SRD5A1: variants seen among roughly 807,000 people sequenced by gnomAD.
SRD5A1 encodes 3-oxo-5-alpha-steroid 4-dehydrogenase 1.
A neutral mutation model predicts 28.2 loss-of-function variants in SRD5A1; 22 were observed. The observed-to-expected ratio is 0.78, with a 90% CI of 0.56 to 1.12. The LOEUF (loss-of-function observed/expected upper bound fraction) is 1.12, where lower values mean the gene tolerates loss of function less well. Ranked by LOEUF, SRD5A1 falls within the 50% of genes most tolerant of loss-of-function variation. SRD5A1 has a pLI of 0.00. For missense variants in SRD5A1, 300 were observed against 346.7 expected, an observed-to-expected ratio of 0.87 and a Z score of 1.07; for synonymous variants, 151 against 135.0, an observed-to-expected ratio of 1.12 and a Z score of -0.82.
intron 1 of SRD5A1, chr5:6,644,849 A>G (rs1222091508): frequency 2.2e-6 from 1 of 455,960 alleles, no homozygotes; most frequent in African/African-American, 2.0e-5. Context: ...CCTACATCCC[A>G]AATGCCAGCC....
At chr5:6,662,371 C>A (rs899828840) in intron 3 of SRD5A1, among the ~76,000 whole-genome samples, 4 of 152,352 alleles carry the variant, frequency 2.6e-5, no homozygotes, top group Middle Eastern at 3.4e-3. Flanking sequence ...TGTCCAAGTG[C>A]CTGGGCAGGG....
intron 1 of SRD5A1, among the ~76,000 whole-genome samples, chr5:6,643,471 A>C (rs193147809): frequency 6.6e-6 from 1 of 152,068 alleles, no homozygotes; most frequent in African/African-American, 2.4e-5. Flanking sequence ...CACCCAGCTA[A>C]TTTTCATATT....
chr5:6,643,644 G>C (rs1212723427), intron 1 of SRD5A1, among the ~76,000 whole-genome samples: 2 of 152,132 alleles, frequency 1.3e-5, no homozygotes, highest in Non-Finnish European at 2.9e-5. Flanking sequence ...AACTCCTCTA[G>C]CAAGTGTTCT....
intron 1 of SRD5A1, among the ~76,000 whole-genome samples, chr5:6,635,448 A>G (rs1738154642): frequency 6.6e-6 from 1 of 152,216 alleles, no homozygotes; most frequent in Non-Finnish European, 1.5e-5. Context: ...ATCTCAGGTC[A>G]GAGTATTCGG....
At chr5:6,635,687 G>T in intron 1 of SRD5A1, among the ~76,000 whole-genome samples, 1 of 152,236 alleles carries the variant, frequency 6.6e-6, no homozygotes, top group Admixed American at 6.5e-5. Flanking sequence ...ATCCAGACAT[G>T]TACTCTGTGT....
chr5:6,633,642 C>G lies in SRD5A1; in HGVS notation c.66C>G (p.Ala22=), dbSNP rs546885003. 6.4e-7 allele frequency: 1 copy of G among 1,558,220 alleles called. No homozygotes were observed. Among genetic ancestry groups the G allele is most frequent in the Non-Finnish European group, 8.6e-7 (1 of 1,159,236 alleles). ...CCGCGCTCGCCTACCTGCAGTGCGC[C>G]GTGGGCTGCGCGGTCTTCGCGCGCA... The part of the protein sequence containing the change: ...LLAALAYLQC[A]VGCAVFARNR... The change falls in exon 1 of 5, where the codon GCC becomes GCG. Residue 22 remains alanine, a synonymous_variant. Transcript: ENST00000274192.
At chr5:6,660,336 G>GA (rs1190615277) in intron 3 of SRD5A1, among the ~76,000 whole-genome samples, 2 of 152,362 alleles carry the variant, frequency 1.3e-5, no homozygotes, top group African/African-American at 4.8e-5. Context: ...ACTTAAGAGA[G>GA]AAGGTTCACT....
At chr5:6,663,399 C>T (rs1739070011) in intron 4 of SRD5A1, among the ~76,000 whole-genome samples, 1 of 152,258 alleles carries the variant, frequency 6.6e-6, no homozygotes, top group African/African-American at 2.4e-5. Flanking sequence ...CACAAGAGCT[C>T]TCCAGCTATG....
chr5:6,668,349 TTG>T lies in SRD5A1; in HGVS notation c.*83_*84del. 1 of 891,114 alleles carries T rather than the reference TTG, an allele frequency of 1.1e-6. No individual in the cohort carries two copies. The highest frequency in any genetic ancestry group is 1.7e-5 in the African/African-American group (1 of 57,758). 55.2% of individuals were successfully genotyped at this position (891,114 alleles called of 1,614,324 possible). On this transcript the variant is annotated 3_prime_UTR_variant, in exon 5 of 5. Coordinates refer to ENST00000274192, the MANE Select transcript of SRD5A1 (RefSeq NM_001047.4). ...TGGACTTTGTAAATAAGTTATATCT[TTG>T]TAATTTTCCTGCTACTTTATCATTT...
chr5:6,672,709 T>G lies in SRD5A1; in HGVS notation c.*4441T>G, dbSNP rs190717070. 6.6e-6 allele frequency: 1 copy of G among 152,384 alleles called. No homozygotes were observed. Among genetic ancestry groups the G allele is most frequent in the Admixed American group, 6.5e-5 (1 of 15,310 alleles). 9.4% of individuals were successfully genotyped at this position (152,384 alleles called of 1,614,324 possible). A position where few individuals can be genotyped will look rare whatever the true frequency, so the allele number is the denominator to read the frequency against. The stretch of plus-strand genomic sequence containing the variant: ...CACTCTTTGCACCTCTTGCTGTGAT[T>G]GACATGGTATACCTTAAGATATATG... On this transcript the variant is annotated 3_prime_UTR_variant, in exon 5 of 5. Coordinates refer to ENST00000274192, the MANE Select transcript of SRD5A1 (RefSeq NM_001047.4).
intron 1 of SRD5A1, among the ~76,000 whole-genome samples, chr5:6,636,830 T>C (rs1341567871): frequency 1.3e-5 from 2 of 151,868 alleles, no homozygotes; most frequent in Non-Finnish European, 2.9e-5. Context: ...TCCCTTTGAG[T>C]TGAGGAGTAA....
chr5:6,662,690 A>G lies in SRD5A1; in HGVS notation c.563-126A>G, dbSNP rs960914934. On this transcript the variant is annotated intron_variant, in intron 3 of 4. Coordinates refer to ENST00000274192, the MANE Select transcript of SRD5A1 (RefSeq NM_001047.4). Reference sequence around the variant, plus strand: ...CGCTGGATATGTCTTACTGATTAACATTCTGTAAGGATAATATTTTTCCGT... The same window carrying G: ...CGCTGGATATGTCTTACTGATTAACGTTCTGTAAGGATAATATTTTTCCGT... 1.4e-5 allele frequency: 15 copies of G among 1,070,270 alleles called. No homozygotes were observed. In the Admixed American group the frequency reaches 1.8e-4, roughly 13 times the overall value. The allele number at this position is 1,070,270 out of a possible 1,614,324, so 66.3% of individuals were successfully genotyped here.
rs1329678786 is a variant in SRD5A1 at position 6,652,450 on chromosome 5, G to A, written c.460+442G>A. Among the ~76,000 whole-genome samples, 3 of 152,278 alleles carry A rather than the reference G, an allele frequency of 2.0e-5. No homozygotes were observed. In the East Asian group the frequency reaches 5.8e-4, roughly 29 times the overall value. On this transcript the variant is annotated intron_variant, in intron 2 of 4. Coordinates refer to ENST00000274192, the MANE Select transcript of SRD5A1 (RefSeq NM_001047.4). ...AATCAACTTTTAGGTCTATGAAGTT[G>A]TTGAATTTTTTTATTTGTATCAGTT...
Position 6,652,935 on chromosome 5 carries a change from G to A in SRD5A1, c.460+927G>A, listed in dbSNP as rs566966410. ...ATAAGAAAGGTTCTTCTATATATTTGTTTAGTCTATCCTAGCATTTAGATA... is the reference window on the plus strand; with the variant it reads ...ATAAGAAAGGTTCTTCTATATATTTATTTAGTCTATCCTAGCATTTAGATA... On this transcript the variant is annotated intron_variant, in intron 2 of 4. Transcript: ENST00000274192. Among the ~76,000 whole-genome samples the A allele has an allele frequency of 4.6e-4, 69 of 148,704 alleles. No homozygotes were observed. The Middle Eastern group carries it at 0.01, about 23-fold the overall frequency.
intron 1 of SRD5A1, among the ~76,000 whole-genome samples, chr5:6,640,169 G>A (rs1244343406): frequency 1.3e-5 from 2 of 152,114 alleles, no homozygotes; most frequent in African/African-American, 4.8e-5. Context: ...CCTCTGTGAT[G>A]TTCTCTGGCC....
intron 1 of SRD5A1, among the ~76,000 whole-genome samples, chr5:6,642,420 G>A (rs373602962): frequency 3.3e-5 from 5 of 152,150 alleles, no homozygotes; most frequent in African/African-American, 1.2e-4. Context: ...AGATTAGATG[G>A]CAACTCTTCC....
chr5:6,649,459 C>T (rs1410430481), intron 1 of SRD5A1, among the ~76,000 whole-genome samples: 2 of 152,208 alleles, frequency 1.3e-5, no homozygotes, highest in East Asian at 1.9e-4. Context: ...CCCCTCCCCC[C>T]ACCAAGCTCT....
intron 4 of SRD5A1, among the ~76,000 whole-genome samples, chr5:6,667,149 G>T (rs1739209213): frequency 1.3e-5 from 2 of 152,214 alleles, no homozygotes; most frequent in Admixed American, 1.3e-4. Context: ...TGGCCACGTT[G>T]TGTGTTGGGC....
chr5:6,651,440 T>C (rs1393442625), intron 1 of SRD5A1, among the ~76,000 whole-genome samples: 1 of 152,118 alleles, frequency 6.6e-6, no homozygotes, highest in African/African-American at 2.4e-5. Flanking sequence ...GGAAGATCAC[T>C]TGAGGTCGAA....
Sources: gnomAD v4.1 joint callset for allele counts (sites outside exome capture counted in the v4.1 genomes callset) on GRCh38, gnomAD v4.1.1 for gene constraint, MANE v1.5 for transcripts, NCBI Gene and HGNC (gene_info 2026-07-23, HGNC 2026-07-21) for gene names.